The following BICC1 variants were observed in gnomAD, a reference collection of about 807,000 sequenced individuals.
The protein encoded by BICC1 is BicC family RNA binding protein 1.
BICC1 carries 43 observed loss-of-function variants against 111.0 expected under a neutral mutation model. The ratio of observed to expected loss-of-function variants is 0.39; its 90% CI spans 0.30 to 0.50. The LOEUF (loss-of-function observed/expected upper bound fraction) is 0.50. Among genes scored for constraint, BICC1 ranks in the 20% least tolerant of loss-of-function variants. The pLI is 0.88. For synonymous variants in BICC1, 467 were observed against 434.4 expected, an observed-to-expected ratio of 1.07 and a Z score of -0.93; for missense variants, 1,091 against 1,203.2, an observed-to-expected ratio of 0.91 and a Z score of 1.38.
rs1356128147 is a variant in BICC1 at position 58,715,617 on chromosome 10, C to T, written c.307+13474C>T. On this transcript the variant is annotated intron_variant, in intron 3 of 20. Coordinates refer to ENST00000373886, the MANE Select transcript of BICC1 (RefSeq NM_001080512.3). ...AATAGCAATGGCGAGATCAAGGGGT[C>T]CAATCCAGTCTTCAGGGCCAACAAT... The T allele has an allele frequency of 1.4e-5, 22 of 1,605,344 alleles. 1 individual carries two copies. In the East Asian group the frequency reaches 4.9e-4, roughly 36 times the overall value.
chr10:58,549,940 C>T (rs985647690), intron 1 of BICC1, among the ~76,000 whole-genome samples: 1 of 151,910 alleles, frequency 6.6e-6, no homozygotes, highest in Non-Finnish European at 1.5e-5. Flanking sequence ...CCACCTGCCT[C>T]GGCCTCCCAA....
intron 20 of BICC1, among the ~76,000 whole-genome samples, chr10:58,822,506 G>T (rs1286561188): frequency 2.0e-5 from 3 of 151,958 alleles, no homozygotes; most frequent in African/African-American, 7.2e-5. Context: ...TTCTGTTGAG[G>T]TTATATAGTA....
At chr10:58,538,162 A>G (rs542761706) in intron 1 of BICC1, among the ~76,000 whole-genome samples, 57 of 152,146 alleles carry the variant, frequency 3.7e-4, no homozygotes, top group African/African-American at 1.4e-3. Flanking sequence ...CCAAATAGCC[A>G]AAGCAATCCT....
chr10:58,646,064 C>CTTTT (rs61143812), intron 2 of BICC1, among the ~76,000 whole-genome samples: 1 of 143,058 alleles, frequency 7.0e-6, no homozygotes, highest in Admixed American at 7.0e-5. Context: ...ATTTGCAATG[C>CTTTT]TTTTTTTTTT....
chr10:58,652,356 G>T (rs1263618790), intron 2 of BICC1, among the ~76,000 whole-genome samples: 2 of 152,112 alleles, frequency 1.3e-5, no homozygotes, highest in Admixed American at 1.3e-4. Context: ...GACCCTCATT[G>T]CTGTCTCTTG....
intron 2 of BICC1, among the ~76,000 whole-genome samples, chr10:58,659,647 C>T (rs144443069): frequency 1.5e-4 from 23 of 152,204 alleles, no homozygotes; most frequent in Admixed American, 9.2e-4. Flanking sequence ...TACTGGTACA[C>T]GGAACGCGCA....
chr10:58,733,670 C>T lies in BICC1; in HGVS notation c.307+31527C>T, dbSNP rs188844538. Reference sequence around the variant, plus strand: ...CTACTCTCTTGGTCACTTGCTTACCCGGCTTCTGAGATTCCTCTAAAAATC... The same window carrying T: ...CTACTCTCTTGGTCACTTGCTTACCTGGCTTCTGAGATTCCTCTAAAAATC... On this transcript the variant is annotated intron_variant, in intron 3 of 20. Transcript: ENST00000373886. Among the ~76,000 whole-genome samples, 40 of 152,320 alleles carry T rather than the reference C, an allele frequency of 2.6e-4. No individual in the cohort carries two copies. In the East Asian group the frequency reaches 3.5e-3, roughly 13 times the overall value.
intron 3 of BICC1, among the ~76,000 whole-genome samples, chr10:58,702,805 G>A (rs1223056336): frequency 2.6e-5 from 4 of 152,152 alleles, no homozygotes; most frequent in Admixed American, 2.6e-4. Flanking sequence ...AAACTTTGTG[G>A]AGTATATTTC....
intron 1 of BICC1, among the ~76,000 whole-genome samples, chr10:58,559,181 T>C (rs1020689439): frequency 6.6e-6 from 1 of 152,108 alleles, no homozygotes; most frequent in Admixed American, 6.6e-5. Flanking sequence ...AGATTTATAA[T>C]GACTTATCTG....
chr10:58,512,978 G>A lies in BICC1; in HGVS notation c.-166G>A, dbSNP rs1287613280. 5.4e-5 allele frequency among the ~76,000 whole-genome samples: 8 copies of A among 147,902 alleles called. No homozygotes were observed. The highest frequency in any genetic ancestry group is 4.5e-5 in the Non-Finnish European group (3 of 66,406). ...TGGGCGGCGCCCGGGGCTGGGATGC[G>A]CCGGGGGCTCAGTGGCGGCGGCGGC... On this transcript the variant is annotated 5_prime_UTR_variant, in exon 1 of 21. Transcript: ENST00000373886.
At chr10:58,644,365 C>G (rs530433022) in intron 2 of BICC1, among the ~76,000 whole-genome samples, 1 of 152,240 alleles carries the variant, frequency 6.6e-6, no homozygotes, top group East Asian at 1.9e-4. Context: ...TGCCTGGCCC[C>G]GATTCTTCTA....
At chr10:58,715,030 T>G (rs1002904272) in intron 3 of BICC1, among the ~76,000 whole-genome samples, 1 of 150,550 alleles carries the variant, frequency 6.6e-6, no homozygotes, top group African/African-American at 2.4e-5. Flanking sequence ...ATCTAACCAC[T>G]GCACTGCAGC....
chr10:58,544,915 G>A (rs1005794031), intron 1 of BICC1, among the ~76,000 whole-genome samples: 2 of 152,020 alleles, frequency 1.3e-5, no homozygotes, highest in Non-Finnish European at 2.9e-5. Flanking sequence ...TTAACAAGGG[G>A]AACTTTGGAT....
chr10:58,515,171 C>T (rs565006938), intron 1 of BICC1, among the ~76,000 whole-genome samples: 1 of 152,176 alleles, frequency 6.6e-6, no homozygotes, highest in Non-Finnish European at 1.5e-5. Context: ...TGTGATACTA[C>T]GATCTGAGAC....
At chr10:58,672,755 C>A (rs1320160028) in intron 2 of BICC1, among the ~76,000 whole-genome samples, 2 of 152,146 alleles carry the variant, frequency 1.3e-5, no homozygotes, top group Non-Finnish European at 2.9e-5. Context: ...TAAAAATAAA[C>A]CTCTTTAACT....
intron 3 of BICC1, among the ~76,000 whole-genome samples, chr10:58,705,281 CT>C (rs1840356124): frequency 6.6e-6 from 1 of 152,226 alleles, no homozygotes. Context: ...ACCATGTGTT[CT>C]GAAGGCAAAG....
chr10:58,595,861 A>G (rs1456703696), intron 1 of BICC1, among the ~76,000 whole-genome samples: 1 of 152,218 alleles, frequency 6.6e-6, no homozygotes, highest in Non-Finnish European at 1.5e-5. Context: ...AATAACTAAG[A>G]TCAGAGCAAA....
At chr10:58,625,004 A>T (rs952948276) in intron 2 of BICC1, among the ~76,000 whole-genome samples, 1 of 152,260 alleles carries the variant, frequency 6.6e-6, no homozygotes, top group Non-Finnish European at 1.5e-5. Flanking sequence ...ATGGGATTAC[A>T]GATTAAACTA....
intron 1 of BICC1, among the ~76,000 whole-genome samples, chr10:58,558,600 C>T (rs77715184): frequency 0.031 from 4,712 of 152,138 alleles, 232 homozygotes; most frequent in African/African-American, 0.11. Flanking sequence ...TTTTCTCTAT[C>T]TTGGCTGGCA....
Sources: allele counts gnomAD v4.1 joint callset (sites outside exome capture counted in the v4.1 genomes callset), GRCh38; gene constraint gnomAD v4.1.1; transcripts MANE v1.5; gene names NCBI Gene and HGNC (gene_info 2026-07-23, HGNC 2026-07-21).